The following GATAD2A variants were observed in gnomAD, a reference collection of about 807,000 sequenced individuals.
The protein encoded by GATAD2A is transcriptional repressor p66-alpha.
GATAD2A carries 12 observed loss-of-function variants against 68.5 expected under a neutral mutation model. The observed-to-expected ratio is 0.18, with a 90% CI of 0.11 to 0.28. The LOEUF is 0.28. GATAD2A is among the 10% of genes least tolerant of loss of function. GATAD2A has a pLI of 1.00. For missense variants in GATAD2A, 755 were observed against 868.5 expected (o/e 0.87, Z 1.64); for synonymous variants, 410 against 375.3 (o/e 1.09, Z -1.07).
At chr19:19,484,596 G>A (rs1264854831) in intron 2 of GATAD2A, among the ~76,000 whole-genome samples, 3 of 136,798 alleles carry the variant, frequency 2.2e-5, no homozygotes, top group Non-Finnish European at 4.6e-5. Context: ...GCAGTGGCAC[G>A]ATCTCGGCTC....
chr19:19,460,476 C>T (rs1006524764), intron 1 of GATAD2A, among the ~76,000 whole-genome samples: 1 of 152,150 alleles, frequency 6.6e-6, no homozygotes, highest in South Asian at 2.1e-4. Context: ...CTTCATGGGC[C>T]CTTCTTCCTT....
At chr19:19,487,413 A>G (rs1173179507) in intron 2 of GATAD2A, among the ~76,000 whole-genome samples, 16 of 119,194 alleles carry the variant, frequency 1.3e-4, no homozygotes, top group Non-Finnish European at 2.8e-4. Context: ...AGGCAGGGGG[A>G]GGGAGGGCTC....
At chr19:19,412,969 C>T (rs764401396) in intron 1 of GATAD2A, among the ~76,000 whole-genome samples, 2 of 152,180 alleles carry the variant, frequency 1.3e-5, no homozygotes, top group African/African-American at 2.4e-5. Flanking sequence ...ACAGTTTCTC[C>T]TGAACACAGA....
rs540958459 is a variant in GATAD2A at position 19,483,781 on chromosome 19, ATTTTTT to A, written c.270-8510_270-8505del. ...AGGTGCCCGCCACCATACCCGGCTA[ATTTTTT>A]TTTTTTTTTTTTTTGTATTTTTAGT... On this transcript the variant is annotated intron_variant, in intron 2 of 11. Coordinates refer to ENST00000683918, the MANE Select transcript of GATAD2A (RefSeq NM_001384528.1). 7.1e-3 allele frequency among the ~76,000 whole-genome samples: 921 copies of A among 130,004 alleles called. 47 individuals are homozygous for A. The highest frequency in any genetic ancestry group is 0.062 in the Admixed American group (827 of 13,246). 85.3% of individuals were successfully genotyped at this position (130,004 alleles called of 152,430 possible).
chr19:19,481,443 G>C (rs1442989807), intron 2 of GATAD2A, among the ~76,000 whole-genome samples: 1 of 152,182 alleles, frequency 6.6e-6, no homozygotes, highest in Non-Finnish European at 1.5e-5. Context: ...TGATCCTTCT[G>C]CCTCAGTCTC....
At position 19,436,035 on chromosome 19, in the gene GATAD2A, T is replaced by C; in HGVS notation, c.-6-29305T>C. ...ACTCAGGAAATCTGAAATTTTGCTA[T>C]GTAATTCCAGGGGTTAGAGACATTT... On this transcript the variant is annotated intron_variant, in intron 1 of 11. Coordinates refer to ENST00000683918, the MANE Select transcript of GATAD2A (RefSeq NM_001384528.1). The C allele has an allele frequency of 5.6e-6, 3 of 537,564 alleles. No individual in the cohort carries two copies. The East Asian group carries it at 1.8e-4, about 32-fold the overall frequency. The allele number at this position is 537,564 out of a possible 1,614,324, so 33.3% of individuals were successfully genotyped here.
chr19:19,414,102 C>T (rs1229362290), intron 1 of GATAD2A, among the ~76,000 whole-genome samples: 2 of 152,042 alleles, frequency 1.3e-5, no homozygotes, highest in African/African-American at 2.4e-5. Flanking sequence ...GTAGGAGTTG[C>T]CTGGTCTGCT....
upstream of GATAD2A, among the ~76,000 whole-genome samples, chr19:19,401,284 G>T (rs2049720454): frequency 7.0e-6 from 1 of 142,940 alleles, no homozygotes; most frequent in South Asian, 2.2e-4. Flanking sequence ...CATGTTCTTG[G>T]CTCACTGCAA....
rs780179246 is a variant in GATAD2A, at chr19:19,492,565, C to T, written c.403-16C>T. 2.5e-6 allele frequency: 4 copies of T among 1,613,994 alleles called. No homozygotes were observed. In the Admixed American group the frequency reaches 6.7e-5, roughly 27 times the overall value. ...AAGGACGCTCCCTCTCAACCCTGTT[C>T]CTCTCGCCCCTGCAGAAAAGCAGTC... On this transcript the variant is annotated splice_polypyrimidine_tract_variant and intron_variant, in intron 3 of 11. Transcript: ENST00000683918.
rs571848757 is a variant in GATAD2A at position 19,387,630 on chromosome 19, A to G, written c.-7+1492A>G. On this transcript the variant is annotated intron_variant, in intron 1 of 11. Transcript: ENST00000360315. ...CACCGTGCCTGGCCCCCGCTTTTTGATGAGTGCCTTCACTTTCCTGAGGGG... is the reference window on the plus strand; with the variant it reads ...CACCGTGCCTGGCCCCCGCTTTTTGGTGAGTGCCTTCACTTTCCTGAGGGG... 1.9e-4 allele frequency among the ~76,000 whole-genome samples: 29 copies of G among 151,924 alleles called. 1 individual carries two copies. The South Asian group carries it at 6.0e-3, about 32-fold the overall frequency.
At chr19:19,497,213 A>G (rs914599539) in intron 7 of GATAD2A, among the ~76,000 whole-genome samples, 2 of 152,308 alleles carry the variant, frequency 1.3e-5, no homozygotes, top group African/African-American at 4.8e-5. Context: ...CTCCTGCGTC[A>G]GCCTCCCAAG....
chr19:19,418,439 C>T (rs2051920813), intron 1 of GATAD2A, among the ~76,000 whole-genome samples: 1 of 152,312 alleles, frequency 6.6e-6, no homozygotes, highest in Non-Finnish European at 1.5e-5. Context: ...CTGCTCTGTT[C>T]CTATGAATGA....
rs761325321 is a variant in GATAD2A, at chr19:19,502,500, A to G, written c.1748A>G (p.Asn583Ser). Residue 583 changes from asparagine (N) to serine (S), a missense_variant, in exon 11 of 12, where the codon AAC (asparagine) becomes AGC (serine). By Grantham distance (46) the Asn-to-Ser change is conservative. Transcript: ENST00000683918. ...GCCGGCAAGGGCAGCGCCACCTCCA[A>G]CTGGAAGAAGACGCCCCTCAGCACA... ...VSAGKGSATSNWKKTPLSTGG... is the reference protein window; with the variant it reads ...VSAGKGSATSSWKKTPLSTGG... 8.7e-6 allele frequency: 14 copies of G among 1,612,672 alleles called. No homozygotes were observed. In the African/African-American group the frequency reaches 1.6e-4, roughly 18 times the overall value.
At chr19:19,411,735 G>T (rs1478807738) in intron 1 of GATAD2A, among the ~76,000 whole-genome samples, 1 of 152,162 alleles carries the variant, frequency 6.6e-6, no homozygotes, top group Non-Finnish European at 1.5e-5. Flanking sequence ...AGGACAAGTG[G>T]AAAGTGTCTA....
intron 1 of GATAD2A, chr19:19,440,469 AC>A: frequency 4.2e-6 from 1 of 239,736 alleles, no homozygotes; most frequent in South Asian, 3.9e-5. Context: ...ATGGGGTTTC[AC>A]CATGGTCTCG....
chr19:19,432,871 TC>T (rs1840312358), intron 1 of GATAD2A, among the ~76,000 whole-genome samples: 1 of 152,038 alleles, frequency 6.6e-6, no homozygotes, highest in African/African-American at 2.4e-5. Flanking sequence ...GAACTTTGAG[TC>T]CACGAGTGAA....
chr19:19,406,442 G>T (rs2050268551), intron 1 of GATAD2A, among the ~76,000 whole-genome samples: 1 of 151,638 alleles, frequency 6.6e-6, no homozygotes, highest in African/African-American at 2.4e-5. Context: ...GGGCAGCAAC[G>T]CTGAACCCCG....
At position 19,472,971 on chromosome 19, in the gene GATAD2A, C is replaced by T. The variant is rs149174747; in HGVS notation, c.269+7357C>T. Among the ~76,000 whole-genome samples the T allele has an allele frequency of 2.1e-3, 322 of 152,280 alleles. 2 individuals carry two copies. Among genetic ancestry groups the T allele is most frequent in the South Asian group, 0.016 (77 of 4,826 alleles). ...TGGAAGACCATGTCATGAAGGAAAGCGCAGAGGTCTTGGAAAGAAGGACTT... is the reference window on the plus strand; with the variant it reads ...TGGAAGACCATGTCATGAAGGAAAGTGCAGAGGTCTTGGAAAGAAGGACTT... On this transcript the variant is annotated intron_variant, in intron 2 of 11. Transcript: ENST00000683918.
chr19:19,485,017 C>T (rs1179818818), intron 2 of GATAD2A, among the ~76,000 whole-genome samples: 1 of 152,208 alleles, frequency 6.6e-6, no homozygotes, highest in Non-Finnish European at 1.5e-5. Flanking sequence ...CATTGTTGGG[C>T]AGCTCTGGTC....
Sources: gnomAD v4.1 joint callset for allele counts (sites outside exome capture counted in the v4.1 genomes callset) on GRCh38, gnomAD v4.1.1 for gene constraint, MANE v1.5 for transcripts, NCBI Gene and HGNC (gene_info 2026-07-23, HGNC 2026-07-21) for gene names.